The following UGT2A1 variants were observed in gnomAD, a reference collection of about 807,000 sequenced individuals.
UGT2A1 encodes the protein UDP glucuronosyltransferase family 2 member A1 complex locus.
UGT2A1 carries 61 observed loss-of-function variants against 45.4 expected under a neutral mutation model. That is an observed-to-expected ratio of 1.34 (90% CI 1.09 to 1.66). The LOEUF is 1.66. UGT2A1 is among the 40% of genes most tolerant of loss of function. UGT2A1 has a pLI of 0.00. For synonymous variants in UGT2A1, 229 were observed against 196.2 expected (o/e 1.17, Z -1.40); for missense variants, 649 against 574.3 (o/e 1.13, Z -1.33).
chr4:69,639,634 A>T (rs780089213), intron 2 of UGT2A1: 65 of 1,577,320 alleles, frequency 4.1e-5, no homozygotes, highest in Non-Finnish European at 5.3e-5. Flanking sequence ...TCCCTTATGG[A>T]AACCATCCTA....
chr4:69,622,680 C>T (rs1720820439), intron 3 of UGT2A1, among the ~76,000 whole-genome samples: 1 of 151,708 alleles, frequency 6.6e-6, no homozygotes, highest in Non-Finnish European at 1.5e-5. Context: ...TTGAGGATTT[C>T]ATGTGTTATG....
In UGT2A1 at chr4:69,639,044, G is replaced by A. The variant is rs1032889902; in HGVS notation, c.716-3222C>T. 1.9e-6 allele frequency: 3 copies of A among 1,613,260 alleles called. No homozygotes were observed. In the African/African-American group the frequency reaches 4.0e-5, roughly 22 times the overall value. On this transcript the variant is annotated intron_variant, in intron 2 of 6. Coordinates refer to ENST00000286604, the MANE Select transcript of UGT2A1 (RefSeq NM_001252275.3). ...CTGATAAGGCTGCCGGTACATAGGAGACTGGTGCTGGGATTTTCCCACAGT... is the reference window on the plus strand; with the variant it reads ...CTGATAAGGCTGCCGGTACATAGGAAACTGGTGCTGGGATTTTCCCACAGT...
chr4:69,621,603 A>G (rs936176758), intron 3 of UGT2A1, among the ~76,000 whole-genome samples: 2 of 151,784 alleles, frequency 1.3e-5, no homozygotes, highest in Non-Finnish European at 2.9e-5. Context: ...TGATTCCTCA[A>G]AGCCTTAAAA....
At chr4:69,598,655 TG>T (rs2109888365) in intron 4 of UGT2A1, among the ~76,000 whole-genome samples, 1 of 152,302 alleles carries the variant, frequency 6.6e-6, no homozygotes, top group African/African-American at 2.4e-5. Flanking sequence ...AACTCCTTTT[TG>T]TTCCTTACAG....
chr4:69,600,341 T>C (rs1719203849), intron 3 of UGT2A1, among the ~76,000 whole-genome samples: 1 of 152,178 alleles, frequency 6.6e-6, no homozygotes, highest in Non-Finnish European at 1.5e-5. Flanking sequence ...TCACTCCTAA[T>C]CCTATATCAC....
At chr4:69,639,438 A>G (rs1721928237) in intron 2 of UGT2A1, 1 of 1,613,126 alleles carries the variant, frequency 6.2e-7, no homozygotes, top group African/African-American at 1.3e-5. Context: ...GTTGATGAAT[A>G]GAGTTGCTGA....
intron 3 of UGT2A1, among the ~76,000 whole-genome samples, chr4:69,609,760 T>C (rs1248078951): frequency 6.6e-6 from 1 of 152,142 alleles, no homozygotes; most frequent in Non-Finnish European, 1.5e-5. Flanking sequence ...CAATTGTTCT[T>C]CTGGAACAGG....
At chr4:69,632,456 G>T (rs1217606862) in intron 3 of UGT2A1, among the ~76,000 whole-genome samples, 2 of 152,052 alleles carry the variant, frequency 1.3e-5, no homozygotes, top group East Asian at 3.9e-4. Context: ...ACATCCAATG[G>T]CTTCATCATT....
Position 69,589,540 on chromosome 4 carries a change from C to T in UGT2A1, c.1416G>A (p.Lys472=). ...GGTCATGGGCTGCAACCCGAAGGTG[C>T]TTGGCTCCTTTGTGGCGCATGACAA... ...IEFVMRHKGA[K]HLRVAAHDLT... The change falls in exon 7 of 7, where the codon AAG becomes AAA. Residue 472 remains lysine, a synonymous_variant. Coordinates refer to ENST00000286604, the MANE Select transcript of UGT2A1 (RefSeq NM_001252275.3). The T allele has an allele frequency of 6.2e-7, 1 of 1,614,092 alleles. No individual in the cohort carries two copies. Among genetic ancestry groups the T allele is most frequent in the Non-Finnish European group, 8.5e-7 (1 of 1,179,970 alleles).
At chr4:69,601,555 A>G (rs1285854041) in intron 3 of UGT2A1, among the ~76,000 whole-genome samples, 3 of 152,194 alleles carry the variant, frequency 2.0e-5, no homozygotes, top group Non-Finnish European at 2.9e-5. Flanking sequence ...ACACTTCTGC[A>G]TGACCTCAGC....
chr4:69,612,032 A>G (rs1474257087), intron 3 of UGT2A1, among the ~76,000 whole-genome samples: 1 of 152,092 alleles, frequency 6.6e-6, no homozygotes, highest in Non-Finnish European at 1.5e-5. Flanking sequence ...GTCAGCACTC[A>G]TGTGAAGTTC....
Position 69,588,805 on chromosome 4 carries a change from T to C in UGT2A1, c.*567A>G, listed in dbSNP as rs534800694. ...TAATGAAAATTTTGTAGACATTTAA[T>C]AGGGACGCACGTCACACTTAAAATT... On this transcript the variant is annotated 3_prime_UTR_variant, in exon 7 of 7. Transcript: ENST00000286604. 3 of 152,234 alleles carry C rather than the reference T, an allele frequency of 2.0e-5. 1 individual carries two copies. The South Asian group carries it at 6.2e-4, about 32-fold the overall frequency. 9.4% of individuals were successfully genotyped at this position (152,234 alleles called of 1,614,324 possible).
At chr4:69,612,349 T>G (rs1030223602) in intron 3 of UGT2A1, among the ~76,000 whole-genome samples, 24 of 152,080 alleles carry the variant, frequency 1.6e-4, no homozygotes, top group African/African-American at 5.8e-4. Context: ...ACACATTCAA[T>G]GACATTCATG....
rs1013716204 is a variant in UGT2A1, at chr4:69,603,885, C to T, written c.848-4491G>A. Among the ~76,000 whole-genome samples the T allele has an allele frequency of 1.3e-4, 17 of 135,864 alleles. 1 individual carries two copies. Among genetic ancestry groups the T allele is most frequent in the East Asian group, 8.3e-4 (4 of 4,822 alleles). The allele number at this position is 135,864 out of a possible 152,430, so 89.1% of individuals were successfully genotyped here. A position where few individuals can be genotyped will look rare whatever the true frequency, so the allele number is the denominator to read the frequency against. On this transcript the variant is annotated intron_variant, in intron 3 of 6. Transcript: ENST00000286604. Reference sequence around the variant, plus strand: ...TTAGAGAAAAAAGAATAAAAAGAAACGAACAAAGCCTCCAAGAAATATGGG... The same window carrying T: ...TTAGAGAAAAAAGAATAAAAAGAAATGAACAAAGCCTCCAAGAAATATGGG...
At chr4:69,608,217 A>G (rs901856876) in intron 3 of UGT2A1, among the ~76,000 whole-genome samples, 23 of 152,294 alleles carry the variant, frequency 1.5e-4, no homozygotes, top group African/African-American at 5.3e-4. Flanking sequence ...TGGCACGTAT[A>G]CACCATGGAA....
chr4:69,626,892 AAATGGCTCC>A (rs1721091622), intron 3 of UGT2A1, among the ~76,000 whole-genome samples: 1 of 151,796 alleles, frequency 6.6e-6, no homozygotes, highest in Non-Finnish European at 1.5e-5. Flanking sequence ...TATTCTTTTG[AAATGGCTCC>A]ATCATTTCTG....
At chr4:69,620,295 A>AG (rs957629298) in intron 3 of UGT2A1, among the ~76,000 whole-genome samples, 57 of 147,242 alleles carry the variant, frequency 3.9e-4, no homozygotes, top group African/African-American at 1.3e-3. Context: ...TTTCAGGAAA[A>AG]AAAATCTATC....
intron 1 of UGT2A1, among the ~76,000 whole-genome samples, chr4:69,650,954 G>A (rs778315994): frequency 3.9e-5 from 6 of 152,106 alleles, no homozygotes; most frequent in African/African-American, 9.7e-5. Context: ...CAAGCAGTGC[G>A]CAAAAAGGCA....
At chr4:69,640,735 G>A (rs1363182768) in intron 2 of UGT2A1, among the ~76,000 whole-genome samples, 1 of 151,836 alleles carries the variant, frequency 6.6e-6, no homozygotes, top group East Asian at 1.9e-4. Context: ...GGAGGACAGA[G>A]AACAGGAAAG....
Sources: gnomAD v4.1 joint callset for allele counts (sites outside exome capture counted in the v4.1 genomes callset) on GRCh38, gnomAD v4.1.1 for gene constraint, MANE v1.5 for transcripts, NCBI Gene and HGNC (gene_info 2026-07-23, HGNC 2026-07-21) for gene names.